Variants in NRXN3 observed in about 807,000 individuals in gnomAD.
The protein encoded by NRXN3 is neurexin 3, also known as neurexin III.
In NRXN3, 32 loss-of-function variants were observed where a neutral mutation model predicts 137.6. The ratio of observed to expected loss-of-function variants is 0.23; its 90% CI spans 0.18 to 0.31. The LOEUF is 0.31. Ranked by LOEUF, NRXN3 falls within the 10% of genes least tolerant of loss-of-function variation. The pLI, the probability that NRXN3 is intolerant of heterozygous loss-of-function variation, is 1.00. For synonymous variants in NRXN3, 798 were observed against 784.5 expected (o/e 1.02, Z -0.29); for missense variants, 1,574 against 2,062.5 (o/e 0.76, Z 4.59).
intron 15 of NRXN3, among the ~76,000 whole-genome samples, chr14:79,185,481 T>TC (rs1368721146): frequency 6.6e-6 from 1 of 151,964 alleles, no homozygotes; most frequent in East Asian, 1.9e-4. Flanking sequence ...TTTTTTTTTT[T>TC]TTTAGATGGA....
chr14:79,683,426 C>T (rs191650209), intron 17 of NRXN3, among the ~76,000 whole-genome samples: 295 of 152,192 alleles, frequency 1.9e-3, no homozygotes, highest in African/African-American at 6.6e-3. Flanking sequence ...ATTATAAATA[C>T]CATGCACAGT....
Position 79,256,172 on chromosome 14 carries a change from G to GTCTCTCTCTC in NRXN3, c.3263-211038_3263-211029dup, listed in dbSNP as rs111298626. Among the ~76,000 whole-genome samples the GTCTCTCTCTC allele has an allele frequency of 4.0e-3, 580 of 145,396 alleles. 5 individuals carry two copies. The highest frequency in any genetic ancestry group is 0.014 in the African/African-American group (553 of 39,616). On this transcript the variant is annotated intron_variant, in intron 15 of 20. Coordinates refer to ENST00000335750, the MANE Select transcript of NRXN3 (RefSeq NM_001330195.2). ...TGTCTGTCTCTCTGTCTCTCTCTCTGTCTCTCTCTCTCTCTCTCTCACACA... is the reference window on the plus strand; with the variant it reads ...TGTCTGTCTCTCTGTCTCTCTCTCTGTCTCTCTCTCTCTCTCTCTCTCTCTCTCTCACACA...
At position 78,180,972 on chromosome 14, in the gene NRXN3, T is replaced by G. The variant is rs1052098471; in HGVS notation, c.-704+10298T>G. On this transcript the variant is annotated intron_variant, in intron 1 of 20. Transcript: ENST00000335750. ...CCTCACACCAACTAAATTAGACTCT[T>G]TAGGGACAAGAGCCTGTCCTCGGTG... is the stretch of plus-strand genomic sequence containing the variant. Among the ~76,000 whole-genome samples the G allele has an allele frequency of 3.3e-5, 5 of 152,294 alleles. No individual in the cohort carries two copies. The East Asian group carries it at 7.7e-4, about 23-fold the overall frequency.
intron 15 of NRXN3, among the ~76,000 whole-genome samples, chr14:79,320,470 T>C (rs1027756775): frequency 1.3e-5 from 2 of 152,188 alleles, no homozygotes; most frequent in African/African-American, 4.8e-5. Context: ...GATACCGCTA[T>C]TGGAAAACTT....
At chr14:79,036,354 A>G (rs2099615946) in intron 15 of NRXN3, among the ~76,000 whole-genome samples, 1 of 152,066 alleles carries the variant, frequency 6.6e-6, no homozygotes. Flanking sequence ...ATATTCCACA[A>G]GTAAAACGAG....
At chr14:79,802,577 A>G (rs1182152339) in intron 19 of NRXN3, among the ~76,000 whole-genome samples, 1 of 152,176 alleles carries the variant, frequency 6.6e-6, no homozygotes, top group Non-Finnish European at 1.5e-5. Context: ...CATTGCCCCT[A>G]TAAAGAATGC....
At chr14:78,747,621 A>AT (rs1236505115) in intron 8 of NRXN3, among the ~76,000 whole-genome samples, 2 of 152,022 alleles carry the variant, frequency 1.3e-5, no homozygotes, top group East Asian at 3.9e-4. Context: ...TCCCATCTGT[A>AT]TTTTTTCTGA....
rs943897096 is a variant in NRXN3, at chr14:79,236,412, C to T, written c.3263-230809C>T. ...ATATGAATCATAATTTGCTGATAAG[C>T]GTTAGACACTATTATTATAAATTTC... On this transcript the variant is annotated intron_variant, in intron 15 of 20. Transcript: ENST00000335750. 3.3e-5 allele frequency among the ~76,000 whole-genome samples: 5 copies of T among 151,838 alleles called. No individual in the cohort carries two copies. In the East Asian group the frequency reaches 5.8e-4, roughly 18 times the overall value.
intron 19 of NRXN3, among the ~76,000 whole-genome samples, chr14:79,736,722 A>T (rs2098943250): frequency 6.6e-6 from 1 of 152,164 alleles, no homozygotes; most frequent in Non-Finnish European, 1.5e-5. Flanking sequence ...GGTGGTGAGG[A>T]TGTCGAGTGA....
intron 10 of NRXN3, among the ~76,000 whole-genome samples, chr14:78,841,560 T>C (rs1371351936): frequency 1.3e-5 from 2 of 152,130 alleles, no homozygotes; most frequent in African/African-American, 4.8e-5. Context: ...TGATGATGTT[T>C]TCCCAAATCA....
At chr14:79,711,143 T>G (rs1039927219) in intron 19 of NRXN3, among the ~76,000 whole-genome samples, 11 of 152,234 alleles carry the variant, frequency 7.2e-5, no homozygotes, top group African/African-American at 2.7e-4. Context: ...AATAAAGTGA[T>G]TGAAACATAT....
intron 19 of NRXN3, among the ~76,000 whole-genome samples, chr14:79,793,214 G>A (rs1285812751): frequency 6.6e-6 from 1 of 151,970 alleles, no homozygotes; most frequent in African/African-American, 2.4e-5. Flanking sequence ...GGCGGATCAC[G>A]AGGTCAGGAG....
chr14:79,487,653 C>A (rs2096670091), intron 16 of NRXN3, among the ~76,000 whole-genome samples: 1 of 146,086 alleles, frequency 6.8e-6, no homozygotes, highest in Admixed American at 6.6e-5. Flanking sequence ...ATGGCAGCTG[C>A]AGGGTTACAG....
At chr14:78,907,529 G>C (rs757720796) in intron 10 of NRXN3, among the ~76,000 whole-genome samples, 7 of 152,032 alleles carry the variant, frequency 4.6e-5, no homozygotes, top group Non-Finnish European at 7.4e-5. Flanking sequence ...ATTCCACATA[G>C]AGTTCAAAAT....
chr14:78,762,693 C>A (rs2098696545), intron 8 of NRXN3, among the ~76,000 whole-genome samples: 1 of 152,174 alleles, frequency 6.6e-6, no homozygotes, highest in South Asian at 2.1e-4. Flanking sequence ...TGTAATAATA[C>A]TGTTTACCCA....
At chr14:79,599,877 C>A (rs1247669488) in intron 16 of NRXN3, among the ~76,000 whole-genome samples, 1 of 152,198 alleles carries the variant, frequency 6.6e-6, no homozygotes, top group Non-Finnish European at 1.5e-5. Flanking sequence ...CGCCTGTAAT[C>A]CCAGCTGTCC....
chr14:79,261,603 G>C (rs1249273441), intron 15 of NRXN3, among the ~76,000 whole-genome samples: 26 of 29,154 alleles, frequency 8.9e-4, no homozygotes, highest in African/African-American at 3.5e-3. Context: ...GAAAGGTGCT[G>C]TGTGTGTGTG....
chr14:79,271,747 G>C (rs74067954), intron 15 of NRXN3, among the ~76,000 whole-genome samples: 8,857 of 151,978 alleles, frequency 0.058, 692 homozygotes, highest in African/African-American at 0.18. Flanking sequence ...AGGAAGCCCC[G>C]TGTGGATGAT....
intron 4 of NRXN3, among the ~76,000 whole-genome samples, chr14:78,444,974 CCACCCA>C (rs1392539455): frequency 6.7e-6 from 1 of 149,576 alleles, no homozygotes; most frequent in African/African-American, 2.5e-5. Flanking sequence ...GGGAGTAAGG[CCACCCA>C]AGATATTTAA....
Sources: gnomAD v4.1 joint callset for allele counts (sites outside exome capture counted in the v4.1 genomes callset) on GRCh38, gnomAD v4.1.1 for gene constraint, MANE v1.5 for transcripts, NCBI Gene and HGNC (gene_info 2026-07-23, HGNC 2026-07-21) for gene names.